The following MTHFD1L variants were observed in gnomAD, a reference collection of about 807,000 sequenced individuals.
The protein encoded by MTHFD1L is monofunctional C1-tetrahydrofolate synthase, mitochondrial.
In MTHFD1L, 81 loss-of-function variants were observed where a neutral mutation model predicts 119.5. The observed-to-expected ratio is 0.68, with a 90% CI of 0.57 to 0.82. The LOEUF (loss-of-function observed/expected upper bound fraction) is 0.82, where lower values mean the gene tolerates loss of function less well. Among genes scored for constraint, MTHFD1L ranks in the 40% least tolerant of loss-of-function variants. The pLI is 0.00. For synonymous variants in MTHFD1L, 430 were observed against 475.2 expected (o/e 0.90, Z 1.24); for missense variants, 1,125 against 1,253.4 (o/e 0.90, Z 1.55).
intron 7 of MTHFD1L, chr6:150,898,913 C>G: frequency 1.0e-6 from 1 of 973,366 alleles, no homozygotes; most frequent in Non-Finnish European, 1.3e-6. Context: ...TCTAGGCTCA[C>G]TGCAAGCTCT....
At position 151,039,837 on chromosome 6, in the gene MTHFD1L, C is replaced by G. The variant is rs1447902342; in HGVS notation, c.2847+2720C>G. Among the ~76,000 whole-genome samples the G allele has an allele frequency of 2.0e-5, 3 of 152,142 alleles. No homozygotes were observed. Among genetic ancestry groups the G allele is most frequent in the East Asian group, 3.9e-4 (2 of 5,174 alleles). ...GGCTGAGGCAGGAGAATCGCTTGAA[C>G]CCGGGAGGCAGAAGTTGCAGTAAGC... On this transcript the variant is annotated intron_variant, in intron 26 of 27. Transcript: ENST00000367321. The surrounding 1 kb of genome is among the most constrained non-coding windows in gnomAD (Gnocchi z 4.4).
At chr6:151,016,392 G>A (rs1270621630) in intron 24 of MTHFD1L, among the ~76,000 whole-genome samples, 2 of 151,466 alleles carry the variant, frequency 1.3e-5, no homozygotes, top group African/African-American at 2.4e-5. Context: ...GTGCAATCTC[G>A]GCTTACTGCA....
At chr6:150,951,849 G>T (rs2128977695) in intron 16 of MTHFD1L, among the ~76,000 whole-genome samples, 1 of 151,710 alleles carries the variant, frequency 6.6e-6, no homozygotes, top group South Asian at 2.1e-4. Flanking sequence ...TTTTTTGGAG[G>T]TTTACTGATG....
Position 150,936,888 on chromosome 6 carries a change from C to T in MTHFD1L, c.1341C>T (p.Asn447=). 1.2e-6 allele frequency: 2 copies of T among 1,614,186 alleles called. No homozygotes were observed. The highest frequency in any genetic ancestry group is 1.7e-6 in the Non-Finnish European group (2 of 1,180,028). The change falls in exon 12 of 28, where the codon AAC becomes AAT. Residue 447 remains asparagine, a synonymous_variant. Transcript: ENST00000367321. Reference sequence around the variant, plus strand: ...CTCTGACCGCACACCTGAATGTCAACTCCTTTGCCTGCTTGAGGCAGCCTT... The same window carrying T: ...CTCTGACCGCACACCTGAATGTCAATTCCTTTGCCTGCTTGAGGCAGCCTT... ...VQALTAHLNV[N]SFACLRQPSQ...
chr6:150,879,342 C>T (rs775277338), intron 4 of MTHFD1L, among the ~76,000 whole-genome samples: 57 of 152,062 alleles, frequency 3.7e-4, no homozygotes, highest in Middle Eastern at 6.8e-3. Flanking sequence ...GGCTGGAGTG[C>T]GGTGGTGCAA....
At chr6:150,990,140 G>A (rs538380354) in intron 20 of MTHFD1L, among the ~76,000 whole-genome samples, 1 of 152,166 alleles carries the variant, frequency 6.6e-6, no homozygotes, top group South Asian at 2.1e-4. Context: ...TTAGCCAGGT[G>A]AGGTGGTGCG....
At chr6:151,080,159 CGG>C (rs1793007736) in intron 26 of MTHFD1L, among the ~76,000 whole-genome samples, 1 of 151,958 alleles carries the variant, frequency 6.6e-6, no homozygotes, top group Non-Finnish European at 1.5e-5. Context: ...GCCTGGATGA[CGG>C]AGTGAGACTC....
intron 26 of MTHFD1L, among the ~76,000 whole-genome samples, chr6:151,042,863 T>A (rs1167062964): frequency 6.6e-6 from 1 of 152,178 alleles, no homozygotes; most frequent in African/African-American, 2.4e-5. Flanking sequence ...CGTATATCAC[T>A]TTTATAACAT....
chr6:150,874,917 T>G (rs1780152664), intron 1 of MTHFD1L, among the ~76,000 whole-genome samples: 1 of 152,030 alleles, frequency 6.6e-6, no homozygotes, highest in Non-Finnish European at 1.5e-5. Context: ...ACCCAGCTAA[T>G]TTTTGTATTT....
intron 12 of MTHFD1L, among the ~76,000 whole-genome samples, chr6:150,938,127 C>T (rs549509225): frequency 2.6e-5 from 4 of 152,168 alleles, no homozygotes; most frequent in Non-Finnish European, 5.9e-5. Flanking sequence ...AAGTGATTCT[C>T]CTGCCTCAGC....
At chr6:150,924,432 A>G (rs1204909761) in intron 10 of MTHFD1L, among the ~76,000 whole-genome samples, 1 of 151,268 alleles carries the variant, frequency 6.6e-6, no homozygotes, top group East Asian at 2.0e-4. Context: ...CTGTGCTCCC[A>G]AAGTGCTGGG....
intron 27 of MTHFD1L, among the ~76,000 whole-genome samples, chr6:151,095,180 G>T (rs968628102): frequency 6.6e-6 from 1 of 152,180 alleles, no homozygotes; most frequent in Non-Finnish European, 1.5e-5. Context: ...AGAAAATGAA[G>T]TAAGGGAGAC....
intron 26 of MTHFD1L, among the ~76,000 whole-genome samples, chr6:151,086,610 C>T (rs1272846648): frequency 6.6e-6 from 1 of 152,018 alleles, no homozygotes; most frequent in African/African-American, 2.4e-5. Flanking sequence ...TTACTGTAGC[C>T]TCGACCTCCT....
At chr6:150,954,140 AAGGTT>A (rs976953181) in intron 16 of MTHFD1L, among the ~76,000 whole-genome samples, 1 of 152,240 alleles carries the variant, frequency 6.6e-6, no homozygotes, top group African/African-American at 2.4e-5. Flanking sequence ...TATGAAAGAA[AAGGTT>A]AACTTTCTTC....
intron 27 of MTHFD1L, among the ~76,000 whole-genome samples, chr6:151,093,474 T>C (rs991463393): frequency 7.9e-5 from 12 of 151,524 alleles, no homozygotes; most frequent in African/African-American, 1.9e-4. Context: ...CTGGCCAAGA[T>C]GGTGAAACCC....
At chr6:150,898,104 A>G (rs1203227851) in intron 7 of MTHFD1L, among the ~76,000 whole-genome samples, 1 of 152,188 alleles carries the variant, frequency 6.6e-6, no homozygotes, top group Non-Finnish European at 1.5e-5. Flanking sequence ...TCGGCCTCCC[A>G]AAGTGCAGGG....
At position 150,926,116 on chromosome 6, in the gene MTHFD1L, C is replaced by T. The variant is rs970524867; in HGVS notation, c.1083-6C>T. The T allele has an allele frequency of 3.1e-6, 5 of 1,611,320 alleles. No individual in the cohort carries two copies. The African/African-American group carries it at 5.3e-5, about 17-fold the overall frequency. On this transcript the variant is annotated splice_region_variant and splice_polypyrimidine_tract_variant and intron_variant, in intron 10 of 27. Coordinates refer to ENST00000367321, the MANE Select transcript of MTHFD1L (RefSeq NM_015440.5). The surrounding 1 kb of genome is among the most constrained non-coding windows in gnomAD (Gnocchi z 4.3). ...TTTCTCTCTTTCGTATTGTCTTTCCCCTCAGTGACATTGAGATTTCAAGAG... is the reference window on the plus strand; with the variant it reads ...TTTCTCTCTTTCGTATTGTCTTTCCTCTCAGTGACATTGAGATTTCAAGAG...
chr6:150,866,222 C>T (rs9397362), intron 1 of MTHFD1L, 173 bp downstream of exon 1: 90,743 of 1,377,930 alleles, frequency 0.066, 4,431 homozygotes, highest in East Asian at 0.26. Flanking sequence ...GCACTGCGGC[C>T]GGGAGCGCTG....
intron 27 of MTHFD1L, among the ~76,000 whole-genome samples, chr6:151,093,189 A>G (rs3889759): frequency 0.45 from 67,878 of 151,878 alleles, 15,347 homozygotes; most frequent in East Asian, 0.56. Flanking sequence ...CCTAGCATCC[A>G]GTGGTGGCTG....
Sources: allele counts gnomAD v4.1 joint callset (sites outside exome capture counted in the v4.1 genomes callset), GRCh38; gene constraint gnomAD v4.1.1; non-coding constraint Gnocchi (gnomAD v3.1); transcripts MANE v1.5; gene names NCBI Gene and HGNC (gene_info 2026-07-23, HGNC 2026-07-21).